Variants in EXD3 observed in about 807,000 individuals in gnomAD.
EXD3 encodes the protein exonuclease mut-7 homolog.
A neutral mutation model predicts 98.0 loss-of-function variants in EXD3; 92 were observed. The observed-to-expected ratio is 0.94, with a 90% CI of 0.79 to 1.12. The LOEUF is 1.12. Ranked by LOEUF, EXD3 falls within the 50% of genes most tolerant of loss-of-function variation. The pLI, the probability that EXD3 is intolerant of heterozygous loss-of-function variation, is 0.00. For synonymous variants in EXD3, 569 were observed against 526.0 expected (o/e 1.08, Z -1.12); for missense variants, 1,222 against 1,191.6 (o/e 1.03, Z -0.38).
intron 17 of EXD3, among the ~76,000 whole-genome samples, chr9:137,335,332 C>T (rs919175124): frequency 3.3e-5 from 5 of 152,044 alleles, no homozygotes; most frequent in African/African-American, 1.2e-4. Context: ...CAGGGAAATG[C>T]AAATTAAAAC....
At position 137,348,086 on chromosome 9, in the gene EXD3, G is replaced by T. The variant is rs1834028800; in HGVS notation, c.1983C>A (p.His661Gln). Residue 661 changes from histidine (H) to glutamine (Q), a missense_variant, in exon 17 of 22, where the codon CAC becomes CAA. By Grantham distance (24) the His-to-Gln change is conservative. Coordinates refer to ENST00000340951, the MANE Select transcript of EXD3 (RefSeq NM_017820.5). ...GCAAACTCACCTCGGCCGCCCTGCG[G>T]TGGTCTTCACCATTGCCCAGCATGC... ...DARMLGNGED[H>Q]RRAAEVARQE... 6.2e-7 allele frequency: 1 copy of T among 1,611,236 alleles called. No homozygotes were observed. The highest frequency in any genetic ancestry group is 8.5e-7 in the Non-Finnish European group (1 of 1,179,650).
intron 2 of EXD3, among the ~76,000 whole-genome samples, chr9:137,383,795 G>A (rs1260122659): frequency 6.6e-6 from 1 of 152,198 alleles, no homozygotes; most frequent in Non-Finnish European, 1.5e-5. Context: ...CCAAGCCCCT[G>A]CCCTCTTTAG....
In EXD3 at chr9:137,349,324, G is replaced by A; in HGVS notation, c.1658-42C>T. 6.4e-7 allele frequency: 1 copy of A among 1,553,466 alleles called. No individual in the cohort carries two copies. The highest frequency in any genetic ancestry group is 8.7e-7 in the Non-Finnish European group (1 of 1,154,766). On this transcript the variant is annotated intron_variant, in intron 15 of 21. Coordinates refer to ENST00000340951, the MANE Select transcript of EXD3 (RefSeq NM_017820.5). The surrounding 1 kb of genome is among the most constrained non-coding windows in gnomAD (Gnocchi z 7.4). ...CCTCAGCCTCCCGGGACAGAGGGCG[G>A]GAGGGGCGTGAGGAGGGGTCACTCC... is the stretch of plus-strand genomic sequence containing the variant.
intron 19 of EXD3, among the ~76,000 whole-genome samples, chr9:137,310,965 AG>A (rs1831326848): frequency 6.6e-6 from 1 of 152,216 alleles, no homozygotes; most frequent in South Asian, 2.1e-4. Context: ...TGCCGCAGGC[AG>A]GTGGCCTCGA....
At chr9:137,381,650 G>A (rs1424690375) in intron 3 of EXD3, among the ~76,000 whole-genome samples, 1 of 152,120 alleles carries the variant, frequency 6.6e-6, no homozygotes, top group African/African-American at 2.4e-5. Context: ...CCTCCCAGAC[G>A]GCCAACAGTC....
In EXD3 at chr9:137,366,641, G is replaced by A. The variant is rs989379661; in HGVS notation, c.517-9C>T. ...AGCAGTGGGATGCTCATCTGCAGGG[G>A]GACACACGGTCAGGCCACAGCCTCC... On this transcript the variant is annotated splice_polypyrimidine_tract_variant and intron_variant, in intron 6 of 21. Coordinates refer to ENST00000340951, the MANE Select transcript of EXD3 (RefSeq NM_017820.5). 3.2e-6 allele frequency: 5 copies of A among 1,556,630 alleles called. No homozygotes were observed. In the East Asian group the frequency reaches 7.2e-5, roughly 22 times the overall value.
Position 137,351,139 on chromosome 9 carries a change from TCCCGTAG to T in EXD3, c.1386_1392del (p.Tyr463TrpfsTer51). The T allele has an allele frequency of 6.4e-7, 1 of 1,574,532 alleles. No individual in the cohort carries two copies. Among genetic ancestry groups the T allele is most frequent in the Non-Finnish European group, 8.6e-7 (1 of 1,160,886 alleles). On this transcript the variant is annotated frameshift_variant and splice_region_variant, in exon 14 of 22. Transcript: ENST00000340951. LOFTEE classifies it high-confidence loss of function. ...CCCAGTTTTTGCAGGTCCCCCACCA[TCCCGTAG>T]CCTGTGGGCAGGAACCATCGTGGGA...
chr9:137,413,208 C>CA (rs1307501296), intron 1 of EXD3, among the ~76,000 whole-genome samples: 55 of 149,412 alleles, frequency 3.7e-4, no homozygotes, highest in Non-Finnish European at 6.7e-4. Flanking sequence ...AACTCCAGAA[C>CA]TTTTTTTTTT....
At chr9:137,388,956 G>A (rs1836753738) in intron 2 of EXD3, among the ~76,000 whole-genome samples, 2 of 152,140 alleles carry the variant, frequency 1.3e-5, no homozygotes, top group Admixed American at 1.3e-4. Flanking sequence ...CAGCAGAAAG[G>A]GCCAGCCCAC....
chr9:137,368,517 G>A (rs1588363599), intron 5 of EXD3, among the ~76,000 whole-genome samples: 1 of 152,328 alleles, frequency 6.6e-6, no homozygotes, highest in Non-Finnish European at 1.5e-5. Context: ...AGGCCACACT[G>A]GCTGCGATCG....
Position 137,329,453 on chromosome 9 carries a change from GGCTACACGGGA to G in EXD3, c.1999-5321_1999-5311del, listed in dbSNP as rs1384687650. Among the ~76,000 whole-genome samples the G allele has an allele frequency of 3.1e-3, 29 of 9,494 alleles. 4 individuals are homozygous for G. Among genetic ancestry groups the G allele is most frequent in the South Asian group, 5.5e-3 (1 of 182 alleles). 6.2% of individuals were successfully genotyped at this position (9,494 alleles called of 152,430 possible). A position where few individuals can be genotyped will look rare whatever the true frequency, so the allele number is the denominator to read the frequency against. On this transcript the variant is annotated intron_variant, in intron 17 of 21. Coordinates refer to ENST00000340951, the MANE Select transcript of EXD3 (RefSeq NM_017820.5). ...CGGGAGCTACACGGGAGCTACACGG[GGCTACACGGGA>G]GCTACACGGGAGCTACACGGGACTA...
chr9:137,367,974 C>T lies in EXD3; in HGVS notation c.478G>A (p.Ala160Thr), dbSNP rs11533158. 1,112,194 of 1,609,788 alleles carry T rather than the reference C, an allele frequency of 0.69. 387,989 individuals are homozygous for T. The highest frequency in any genetic ancestry group is 0.84 in the East Asian group (37,792 of 44,864). Residue 160 changes from alanine to threonine, a missense_variant, in exon 6 of 22, where the codon GCG (alanine) becomes ACG (threonine). Ala to Thr is a moderately conservative substitution (Grantham distance 58). Transcript: ENST00000340951. ...AGCTCCGACTGCAGCTTCAACGTCG[C>T]GCCCAGCGTGGCTGCCTGGCAAACA... ...GRFREAATLG[A>T]TLKLQSELGV...
Position 137,372,995 on chromosome 9 carries a change from T to C in EXD3, c.372A>G (p.Pro124=). The C allele has an allele frequency of 6.2e-7, 1 of 1,605,194 alleles. No homozygotes were observed. Among genetic ancestry groups the C allele is most frequent in the South Asian group, 1.1e-5 (1 of 91,024 alleles). The change falls in exon 5 of 22, where the codon CCA becomes CCG. Residue 124 remains proline (P), a synonymous_variant. Transcript: ENST00000340951. ...CCTGCAGCTGGAAGATGCTGGCCAGTGGTGCCGCAAGGCTGGGGGGGCTCT... is the reference window on the plus strand; with the variant it reads ...CCTGCAGCTGGAAGATGCTGGCCAGCGGTGCCGCAAGGCTGGGGGGGCTCT... ...LTESPPSLAA[P]LASIFQLQDA...
At chr9:137,328,607 C>CA (rs1832650059) in intron 17 of EXD3, among the ~76,000 whole-genome samples, 2 of 91,620 alleles carry the variant, frequency 2.2e-5, no homozygotes, top group African/African-American at 1.4e-4. Flanking sequence ...CGGGACTACA[C>CA]GGGGCTACAC....
At chr9:137,401,933 TG>T (rs1837497401) in intron 1 of EXD3, among the ~76,000 whole-genome samples, 1 of 152,232 alleles carries the variant, frequency 6.6e-6, no homozygotes, top group Non-Finnish European at 1.5e-5. Context: ...GAATTTCTCC[TG>T]AAAAAATTGG....
chr9:137,335,098 C>T (rs145225619), intron 17 of EXD3, among the ~76,000 whole-genome samples: 166 of 150,084 alleles, frequency 1.1e-3, no homozygotes, highest in African/African-American at 3.9e-3. Context: ...AAAAAACAAA[C>T]AAAATAAAAA....
chr9:137,348,444 G>A (rs987526013), intron 16 of EXD3, among the ~76,000 whole-genome samples: 1 of 146,798 alleles, frequency 6.8e-6, no homozygotes, highest in African/African-American at 2.5e-5. Flanking sequence ...GCTCATGCTG[G>A]GGGGGCTCCA....
At position 137,332,626 on chromosome 9, in the gene EXD3, A is replaced by G. The variant is rs374186965; in HGVS notation, c.1999-8483T>C. On this transcript the variant is annotated intron_variant, in intron 17 of 21. Transcript: ENST00000340951. ...TGGGAGGCCAAGGCGGGCAGATCAC[A>G]AGGTCAGGAGATCGAGACCATCCTG... Among the ~76,000 whole-genome samples, 135 of 152,122 alleles carry G rather than the reference A, an allele frequency of 8.9e-4. 1 individual carries two copies. Among genetic ancestry groups the G allele is most frequent in the African/African-American group, 2.8e-3 (116 of 41,514 alleles).
At chr9:137,375,441 TGAGTTCTAGCTCTAGC>T (rs1279945477) in intron 3 of EXD3, among the ~76,000 whole-genome samples, 1 of 152,012 alleles carries the variant, frequency 6.6e-6, no homozygotes, top group Non-Finnish European at 1.5e-5. Flanking sequence ...ACAGTTCTAG[TGAGTTCTAGCTCTAGC>T]GAGTTCTAAC....
Sources: gnomAD v4.1 joint callset for allele counts (sites outside exome capture counted in the v4.1 genomes callset) on GRCh38, gnomAD v4.1.1 for gene constraint, Gnocchi (gnomAD v3.1) non-coding constraint, MANE v1.5 for transcripts, NCBI Gene and HGNC (gene_info 2026-07-23, HGNC 2026-07-21) for gene names.